LRRC4C: variants seen among roughly 807,000 people sequenced by gnomAD.
The protein encoded by LRRC4C is leucine rich repeat containing 4C.
LRRC4C carries 5 observed loss-of-function variants against 33.6 expected under a neutral mutation model. That is an observed-to-expected ratio of 0.15 (90% CI 0.08 to 0.31). LRRC4C has a LOEUF of 0.31. Among genes scored for constraint, LRRC4C ranks in the 10% least tolerant of loss-of-function variants. LRRC4C has a pLI of 1.00. For missense variants in LRRC4C, 560 were observed against 796.7 expected (o/e 0.70, Z 3.58); for synonymous variants, 329 against 302.0 (o/e 1.09, Z -0.93).
At chr11:41,068,007 C>T (rs1036702970) in intron 1 of LRRC4C, among the ~76,000 whole-genome samples, 4 of 152,012 alleles carry the variant, frequency 2.6e-5, no homozygotes, top group African/African-American at 9.7e-5. Flanking sequence ...ACTAAAGAAG[C>T]AAGAGCAAAC....
At chr11:40,683,334 C>T (rs1944795577) in intron 2 of LRRC4C, among the ~76,000 whole-genome samples, 1 of 152,124 alleles carries the variant, frequency 6.6e-6, no homozygotes, top group Non-Finnish European at 1.5e-5. Flanking sequence ...ATCAAACACT[C>T]CTATTATTTA....
At chr11:40,619,550 T>C (rs1324021775) in intron 3 of LRRC4C, among the ~76,000 whole-genome samples, 1 of 151,734 alleles carries the variant, frequency 6.6e-6, no homozygotes, top group Non-Finnish European at 1.5e-5. Flanking sequence ...CACTAGGAAA[T>C]GTATGAATGC....
intron 1 of LRRC4C, among the ~76,000 whole-genome samples, chr11:41,440,389 AG>A (rs1451580637): frequency 2.6e-5 from 4 of 152,184 alleles, no homozygotes; most frequent in Admixed American, 1.3e-4. Flanking sequence ...CAATTTAAAA[AG>A]AAACAGATTC....
chr11:40,205,739 T>C (rs1863099102), intron 5 of LRRC4C, among the ~76,000 whole-genome samples: 1 of 152,286 alleles, frequency 6.6e-6, no homozygotes, highest in East Asian at 1.9e-4. Context: ...GTCAGTCAGG[T>C]AATCAGGTTA....
intron 3 of LRRC4C, among the ~76,000 whole-genome samples, chr11:40,465,652 T>G (rs943266479): frequency 4.6e-5 from 7 of 151,882 alleles, no homozygotes; most frequent in Non-Finnish European, 8.8e-5. Context: ...GGAGCAGACA[T>G]TTTTAAAGGA....
chr11:40,532,203 A>C (rs1401335251), intron 3 of LRRC4C, among the ~76,000 whole-genome samples: 1 of 151,172 alleles, frequency 6.6e-6, no homozygotes, highest in Non-Finnish European at 1.5e-5. Flanking sequence ...ACTAATCCTA[A>C]ATTCTTCATC....
intron 1 of LRRC4C, among the ~76,000 whole-genome samples, chr11:40,987,070 C>T (rs534255247): frequency 6.6e-6 from 1 of 152,290 alleles, no homozygotes; most frequent in South Asian, 2.1e-4. Flanking sequence ...AACCCTCTGA[C>T]ATAGGGTACA....
At chr11:40,404,214 C>T (rs969926871) in intron 3 of LRRC4C, among the ~76,000 whole-genome samples, 3 of 152,120 alleles carry the variant, frequency 2.0e-5, no homozygotes, top group Non-Finnish European at 4.4e-5. Context: ...ACCATGTTTA[C>T]AGCCAGTCAC....
At chr11:41,150,574 G>A (rs989542132) in intron 1 of LRRC4C, among the ~76,000 whole-genome samples, 2 of 151,922 alleles carry the variant, frequency 1.3e-5, no homozygotes, top group Non-Finnish European at 2.9e-5. Context: ...GGCGGATCAC[G>A]AGGTAAGGAG....
chr11:41,222,250 G>T (rs1289598150), intron 1 of LRRC4C, among the ~76,000 whole-genome samples: 1 of 152,154 alleles, frequency 6.6e-6, no homozygotes, highest in Non-Finnish European at 1.5e-5. Context: ...GCATCATACT[G>T]TGGCACTTGA....
At chr11:41,152,376 G>A (rs1420257344) in intron 1 of LRRC4C, among the ~76,000 whole-genome samples, 1 of 152,140 alleles carries the variant, frequency 6.6e-6, no homozygotes, top group African/African-American at 2.4e-5. Flanking sequence ...CTGCTTTCTT[G>A]TGCTTATTCT....
intron 3 of LRRC4C, among the ~76,000 whole-genome samples, chr11:40,593,470 G>A (rs1456285553): frequency 6.6e-6 from 1 of 152,054 alleles, no homozygotes; most frequent in Non-Finnish European, 1.5e-5. Context: ...CACACAATTA[G>A]GAATTATACA....
intron 2 of LRRC4C, among the ~76,000 whole-genome samples, chr11:40,703,582 C>G (rs1232579538): frequency 6.6e-6 from 1 of 151,914 alleles, no homozygotes; most frequent in Admixed American, 6.6e-5. Context: ...ACAGAGAGAG[C>G]TTTACAGCCT....
intron 3 of LRRC4C, among the ~76,000 whole-genome samples, chr11:40,429,326 A>T (rs1047093312): frequency 1.3e-5 from 2 of 152,120 alleles, no homozygotes; most frequent in Non-Finnish European, 2.9e-5. Context: ...CACGCGCCTC[A>T]TACTCCCAAA....
intron 3 of LRRC4C, among the ~76,000 whole-genome samples, chr11:40,467,349 C>A (rs1373821655): frequency 6.6e-6 from 1 of 152,064 alleles, no homozygotes; most frequent in Non-Finnish European, 1.5e-5. Context: ...TTACTTTGAA[C>A]TAGAGAATTG....
chr11:40,219,650 C>T (rs1430400355), intron 5 of LRRC4C, among the ~76,000 whole-genome samples: 5 of 150,930 alleles, frequency 3.3e-5, no homozygotes, highest in African/African-American at 1.2e-4. Flanking sequence ...AAATGTTGCA[C>T]AATCTCACAT....
chr11:41,062,065 T>C (rs1390005462), intron 1 of LRRC4C, among the ~76,000 whole-genome samples: 1 of 152,196 alleles, frequency 6.6e-6, no homozygotes, highest in Non-Finnish European at 1.5e-5. Flanking sequence ...AGAAGGGAGT[T>C]CTCACTATGG....
intron 2 of LRRC4C, among the ~76,000 whole-genome samples, chr11:40,889,631 A>T (rs952564940): frequency 1.1e-4 from 16 of 152,060 alleles, no homozygotes; most frequent in Non-Finnish European, 1.9e-4. Context: ...AAAACCATCC[A>T]TTATCTCTTT....
intron 1 of LRRC4C, among the ~76,000 whole-genome samples, chr11:41,223,663 CA>C (rs752976957): frequency 1.3e-5 from 2 of 152,156 alleles, no homozygotes; most frequent in African/African-American, 2.4e-5. Context: ...AAAATAGCTA[CA>C]AAAAAATGTC....
Sources: allele counts gnomAD v4.1 joint callset (sites outside exome capture counted in the v4.1 genomes callset), GRCh38; gene constraint gnomAD v4.1.1; transcripts MANE v1.5; gene names NCBI Gene and HGNC (gene_info 2026-07-23, HGNC 2026-07-21).